NCAM2: variants seen among roughly 807,000 people sequenced by gnomAD.
NCAM2 encodes the protein N-CAM-2.
NCAM2 carries 30 observed loss-of-function variants against 98.1 expected under a neutral mutation model. The ratio of observed to expected loss-of-function variants is 0.31; its 90% CI spans 0.23 to 0.41. The LOEUF is 0.41. NCAM2 is among the 10% of genes least tolerant of loss of function. The pLI, the probability that NCAM2 is intolerant of heterozygous loss-of-function variation, is 1.00. For missense variants in NCAM2, 867 were observed against 1,005.8 expected (o/e 0.86, Z 1.87); for synonymous variants, 368 against 342.4 (o/e 1.07, Z -0.83).
At chr21:21,403,060 A>G (rs1030515760) in intron 9 of NCAM2, among the ~76,000 whole-genome samples, 11 of 152,104 alleles carry the variant, frequency 7.2e-5, no homozygotes, top group African/African-American at 2.7e-4. Context: ...AGTGATGTGG[A>G]ACATTTTTTA....
chr21:21,371,001 C>T (rs1244644864), intron 8 of NCAM2, among the ~76,000 whole-genome samples: 1 of 151,856 alleles, frequency 6.6e-6, no homozygotes, highest in Non-Finnish European at 1.5e-5. Flanking sequence ...AAGTGAAGAA[C>T]TTTGATTGCA....
chr21:21,106,113 C>A (rs2066339691), intron 1 of NCAM2, among the ~76,000 whole-genome samples: 1 of 151,750 alleles, frequency 6.6e-6, no homozygotes. Flanking sequence ...TTGAGACCAG[C>A]CTGAGCAACA....
intron 1 of NCAM2, among the ~76,000 whole-genome samples, chr21:21,081,874 C>T (rs925753342): frequency 1.4e-5 from 2 of 145,614 alleles, no homozygotes; most frequent in Middle Eastern, 3.6e-3. Flanking sequence ...AACAAACAAA[C>T]ACTTTATTGA....
At chr21:21,316,842 C>A (rs1245269154) in intron 5 of NCAM2, among the ~76,000 whole-genome samples, 2 of 152,132 alleles carry the variant, frequency 1.3e-5, no homozygotes, top group African/African-American at 4.8e-5. Context: ...CCGCGCCCGG[C>A]CATATTTATT....
At chr21:21,350,422 A>G (rs1356692850) in intron 8 of NCAM2, among the ~76,000 whole-genome samples, 1 of 152,162 alleles carries the variant, frequency 6.6e-6, no homozygotes, top group Non-Finnish European at 1.5e-5. Context: ...ACAATCCAGG[A>G]CAGCTTCAAA....
chr21:21,306,661 T>C lies in NCAM2; in HGVS notation c.619+14420T>C, dbSNP rs2073888441. Among the ~76,000 whole-genome samples, 11 of 152,304 alleles carry C rather than the reference T, an allele frequency of 7.2e-5. No individual in the cohort carries two copies. In the South Asian group the frequency reaches 2.3e-3, roughly 32 times the overall value. On this transcript the variant is annotated intron_variant, in intron 5 of 17. Coordinates refer to ENST00000400546, the MANE Select transcript of NCAM2 (RefSeq NM_004540.5). ...AGCACATTCACATGAGAATGGGGTA[T>C]CTATCTCCTCAAGTGTTTTTCCTTT...
At chr21:21,026,123 A>G (rs548702091) in intron 1 of NCAM2, among the ~76,000 whole-genome samples, 9 of 152,284 alleles carry the variant, frequency 5.9e-5, no homozygotes, top group Admixed American at 2.6e-4. Flanking sequence ...TAGAGGTGTG[A>G]TGATGGTGGT....
intron 1 of NCAM2, among the ~76,000 whole-genome samples, chr21:21,146,576 G>GATATATATATATATATATAT (rs2067281309): frequency 7.8e-6 from 1 of 128,376 alleles, no homozygotes; most frequent in African/African-American, 3.3e-5. Flanking sequence ...TATATATATG[G>GATATATATATATATATATAT]ATTATATAAA....
intron 15 of NCAM2, among the ~76,000 whole-genome samples, chr21:21,494,016 T>A (rs1348082354): frequency 6.6e-6 from 1 of 151,916 alleles, no homozygotes; most frequent in African/African-American, 2.4e-5. Context: ...AAGCAGAAAT[T>A]GAAATATCTA....
intron 1 of NCAM2, among the ~76,000 whole-genome samples, chr21:21,276,819 A>G (rs985535613): frequency 6.6e-6 from 1 of 152,090 alleles, no homozygotes; most frequent in African/African-American, 2.4e-5. Flanking sequence ...GCAATGAAAT[A>G]TATCATTGTG....
intron 1 of NCAM2, among the ~76,000 whole-genome samples, chr21:21,257,332 T>C (rs1240660149): frequency 6.6e-6 from 1 of 152,132 alleles, no homozygotes; most frequent in Admixed American, 6.5e-5. Flanking sequence ...AAGAACGAAA[T>C]AAACTGTTTA....
intron 15 of NCAM2, among the ~76,000 whole-genome samples, chr21:21,488,586 A>G (rs910703550): frequency 6.6e-6 from 1 of 152,030 alleles, no homozygotes; most frequent in African/African-American, 2.4e-5. Flanking sequence ...ACTGATATCA[A>G]TACAATAATA....
chr21:21,255,529 G>A (rs2071634306), intron 1 of NCAM2, among the ~76,000 whole-genome samples: 1 of 152,178 alleles, frequency 6.6e-6, no homozygotes, highest in African/African-American at 2.4e-5. Flanking sequence ...CCTTTTGGAA[G>A]TGTTTGATTG....
At chr21:21,206,210 T>C (rs1231198309) in intron 1 of NCAM2, among the ~76,000 whole-genome samples, 1 of 152,148 alleles carries the variant, frequency 6.6e-6, no homozygotes, top group Non-Finnish European at 1.5e-5. Flanking sequence ...CCATTTGTAA[T>C]ACATTAAGTT....
At chr21:21,379,529 G>C (rs1208658360) in intron 9 of NCAM2, among the ~76,000 whole-genome samples, 1 of 151,958 alleles carries the variant, frequency 6.6e-6, no homozygotes, top group African/African-American at 2.4e-5. Flanking sequence ...TTATGTACAA[G>C]AATCTGTTTA....
At chr21:21,425,394 T>A (rs2077195414) in intron 11 of NCAM2, among the ~76,000 whole-genome samples, 1 of 152,202 alleles carries the variant, frequency 6.6e-6, no homozygotes, top group Non-Finnish European at 1.5e-5. Flanking sequence ...AATTGAATGT[T>A]TGAATGGTTC....
chr21:21,457,061 A>G (rs1472188848), intron 12 of NCAM2, among the ~76,000 whole-genome samples: 1 of 152,178 alleles, frequency 6.6e-6, no homozygotes, highest in African/African-American at 2.4e-5. Flanking sequence ...ATACCTGAAA[A>G]TGTAGAAGAG....
At chr21:21,493,320 A>C (rs2826862) in intron 15 of NCAM2, among the ~76,000 whole-genome samples, 14,617 of 151,890 alleles carry the variant, frequency 0.096, 905 homozygotes, top group East Asian at 0.32. Context: ...TAATCAATCT[A>C]GGCATAGTAG....
chr21:21,021,275 A>G (rs1443605401), intron 1 of NCAM2, among the ~76,000 whole-genome samples: 2 of 152,106 alleles, frequency 1.3e-5, no homozygotes, highest in East Asian at 1.9e-4. Flanking sequence ...TTTGAAGCAC[A>G]TGGATTTGGG....
Sources: allele counts gnomAD v4.1 joint callset (sites outside exome capture counted in the v4.1 genomes callset), GRCh38; gene constraint gnomAD v4.1.1; transcripts MANE v1.5; gene names NCBI Gene and HGNC (gene_info 2026-07-23, HGNC 2026-07-21).